Variants in CADM1 observed in about 807,000 individuals in gnomAD.
The protein encoded by CADM1 is cell adhesion molecule 1, also known as TSLC-1.
Under a neutral mutation model 53.1 loss-of-function variants are expected in CADM1, and 15 were observed. The observed-to-expected ratio is 0.28, with a 90% CI of 0.19 to 0.44. The LOEUF is 0.44. CADM1 is among the 20% of genes least tolerant of loss of function. The pLI, the probability that CADM1 is intolerant of heterozygous loss-of-function variation, is 1.00. For missense variants in CADM1, 434 were observed against 611.3 expected, an observed-to-expected ratio of 0.71 and a Z score of 3.06; for synonymous variants, 281 against 243.0, an observed-to-expected ratio of 1.16 and a Z score of -1.45.
At chr11:115,314,363 G>A (rs1944606281) in intron 1 of CADM1, among the ~76,000 whole-genome samples, 1 of 152,118 alleles carries the variant, frequency 6.6e-6, no homozygotes, top group African/African-American at 2.4e-5. Flanking sequence ...CTCATCCCCA[G>A]TAAATTATTT....
At position 115,490,422 on chromosome 11, in the gene CADM1, A is replaced by G. The variant is rs560089343; in HGVS notation, c.124+13849T>C. On this transcript the variant is annotated intron_variant, in intron 1 of 11. Coordinates refer to ENST00000331581, the MANE Select transcript of CADM1 (RefSeq NM_001301043.2). ...TTTTTTTTTTTTTTTTTTTTGAGAC[A>G]GAGTCTTGCTCTGTCGCCCAGGCTG... Among the ~76,000 whole-genome samples, 5 of 135,150 alleles carry G rather than the reference A, an allele frequency of 3.7e-5. No individual in the cohort carries two copies. The South Asian group carries it at 6.9e-4, about 19-fold the overall frequency. The allele number at this position is 135,150 out of a possible 152,430, so 88.7% of individuals were successfully genotyped here.
intron 1 of CADM1, among the ~76,000 whole-genome samples, chr11:115,310,127 T>A (rs1944492150): frequency 6.6e-6 from 1 of 152,124 alleles, no homozygotes; most frequent in African/African-American, 2.4e-5. Flanking sequence ...GAATCATATA[T>A]GCACGATGGG....
At chr11:115,369,986 A>G (rs1469381106) in intron 1 of CADM1, among the ~76,000 whole-genome samples, 3 of 152,190 alleles carry the variant, frequency 2.0e-5, no homozygotes, top group Admixed American at 6.5e-5. Context: ...TGCTGAAGCC[A>G]TCTCCTTATA....
At chr11:115,452,892 T>C (rs1237937533) in intron 1 of CADM1, among the ~76,000 whole-genome samples, 2 of 152,156 alleles carry the variant, frequency 1.3e-5, no homozygotes, top group Non-Finnish European at 2.9e-5. Context: ...GTGGGAGTGA[T>C]TGACATGGGG....
At chr11:115,384,355 G>A (rs1419966234) in intron 1 of CADM1, among the ~76,000 whole-genome samples, 1 of 151,950 alleles carries the variant, frequency 6.6e-6, no homozygotes, top group African/African-American at 2.4e-5. Context: ...GCAGTGAGAG[G>A]GCAAAAACCA....
intron 5 of CADM1, chr11:115,218,245 T>C (rs1262785971): frequency 1.1e-5 from 5 of 460,290 alleles, no homozygotes; most frequent in Non-Finnish European, 2.0e-5. Context: ...TCCTGTGAAA[T>C]ACATTTTGTT....
At chr11:115,363,200 G>T (rs1386145750) in intron 1 of CADM1, among the ~76,000 whole-genome samples, 2 of 152,124 alleles carry the variant, frequency 1.3e-5, no homozygotes, top group African/African-American at 2.4e-5. Flanking sequence ...TGATCAGCAG[G>T]ACGTGGCATA....
At chr11:115,194,035 A>G (rs1295028465) in intron 9 of CADM1, 1 of 152,200 alleles carries the variant, frequency 6.6e-6, no homozygotes, top group Non-Finnish European at 1.5e-5. Context: ...ACAGTAGCAC[A>G]TTGTTTCCAA....
chr11:115,302,969 A>G (rs1484296843), intron 1 of CADM1, among the ~76,000 whole-genome samples: 1 of 152,108 alleles, frequency 6.6e-6, no homozygotes, highest in Non-Finnish European at 1.5e-5. Flanking sequence ...GGAAAGAAAA[A>G]GAGCAGCTAT....
intron 1 of CADM1, among the ~76,000 whole-genome samples, chr11:115,294,659 G>A (rs1943999941): frequency 6.6e-6 from 1 of 152,112 alleles, no homozygotes; most frequent in South Asian, 2.1e-4. Context: ...GAAGCCTCAG[G>A]TGATTATAAA....
intron 1 of CADM1, among the ~76,000 whole-genome samples, chr11:115,262,772 C>A (rs1285983813): frequency 6.6e-6 from 1 of 151,032 alleles, no homozygotes; most frequent in Non-Finnish European, 1.5e-5. Context: ...TTCACCTAAG[C>A]TTTTCTATGC....
rs904006288 is a variant in CADM1, at chr11:115,320,763, T to G, written c.125-80343A>C. ...AGGATGATGTAGTCACATGTTTTTG[T>G]GATGAAAATACCCCTAAAAATAGAA... On this transcript the variant is annotated intron_variant, in intron 1 of 11. Transcript: ENST00000331581. 2.6e-5 allele frequency among the ~76,000 whole-genome samples: 4 copies of G among 152,044 alleles called. 1 individual carries two copies. Among genetic ancestry groups the G allele is most frequent in the Admixed American group, 2.0e-4 (3 of 15,262 alleles).
chr11:115,267,483 C>T (rs1047665888), intron 1 of CADM1, among the ~76,000 whole-genome samples: 10 of 152,180 alleles, frequency 6.6e-5, no homozygotes, highest in African/African-American at 1.9e-4. Context: ...GCCTGGCTTG[C>T]GAATGAAATG....
chr11:115,254,635 A>G (rs777167666), intron 1 of CADM1, among the ~76,000 whole-genome samples: 2 of 151,744 alleles, frequency 1.3e-5, no homozygotes, highest in African/African-American at 2.4e-5. Flanking sequence ...AGTTACTAAT[A>G]TGCTATGGGT....
chr11:115,475,500 A>G (rs113930139), intron 1 of CADM1, among the ~76,000 whole-genome samples: 6,173 of 152,322 alleles, frequency 0.041, 170 homozygotes, highest in Middle Eastern at 0.095. Flanking sequence ...TCGTATCGCC[A>G]AAAACTGTCA....
intron 8 of CADM1, among the ~76,000 whole-genome samples, chr11:115,205,676 TA>T (rs747369853): frequency 4.0e-5 from 6 of 151,058 alleles, no homozygotes; most frequent in East Asian, 1.9e-4. Context: ...TTTGACACAA[TA>T]AAAAAAAGGA....
At chr11:115,339,164 C>A (rs1380884987) in intron 1 of CADM1, among the ~76,000 whole-genome samples, 3 of 149,886 alleles carry the variant, frequency 2.0e-5, no homozygotes, top group African/African-American at 7.4e-5. Context: ...TTTGTTCTTG[C>A]GATAGTTTAC....
At chr11:115,259,650 T>C (rs1289543428) in intron 1 of CADM1, among the ~76,000 whole-genome samples, 2 of 152,086 alleles carry the variant, frequency 1.3e-5, no homozygotes, top group Non-Finnish European at 2.9e-5. Flanking sequence ...AATCTACAGA[T>C]GAAAGCAGAG....
chr11:115,440,552 A>G (rs1037231531), intron 1 of CADM1, among the ~76,000 whole-genome samples: 1 of 152,226 alleles, frequency 6.6e-6, no homozygotes, highest in Non-Finnish European at 1.5e-5. Flanking sequence ...TACTTCAGAG[A>G]TAAGAACTGT....
Sources: allele counts gnomAD v4.1 joint callset (sites outside exome capture counted in the v4.1 genomes callset), GRCh38; gene constraint gnomAD v4.1.1; transcripts MANE v1.5; gene names NCBI Gene and HGNC (gene_info 2026-07-23, HGNC 2026-07-21).